YES1: variants seen among roughly 807,000 people sequenced by gnomAD.
YES1 encodes the protein YES proto-oncogene 1, Src family tyrosine kinase, also known as tyrosine-protein kinase Yes.
Under a neutral mutation model 70.4 loss-of-function variants are expected in YES1, and 39 were observed. That is an observed-to-expected ratio of 0.55 (90% CI 0.43 to 0.72). The LOEUF is 0.72. Ranked by LOEUF, YES1 falls within the 30% of genes least tolerant of loss-of-function variation. YES1 has a pLI of 0.00. For missense variants in YES1, 495 were observed against 644.8 expected (o/e 0.77, Z 2.52); for synonymous variants, 198 against 218.6 (o/e 0.91, Z 0.83).
chr18:810,548 A>C (rs956672663), intron 1 of YES1, among the ~76,000 whole-genome samples: 1 of 152,256 alleles, frequency 6.6e-6, no homozygotes, highest in Non-Finnish European at 1.5e-5. Context: ...TACAGTGGTT[A>C]CAACAGAGTA....
At chr18:771,742 G>A (rs897004739) in intron 1 of YES1, among the ~76,000 whole-genome samples, 3 of 152,078 alleles carry the variant, frequency 2.0e-5, no homozygotes, top group African/African-American at 7.2e-5. Context: ...TAGAGATAGG[G>A]CTTTGTCATG....
intron 10 of YES1, among the ~76,000 whole-genome samples, chr18:735,483 G>C (rs184730459): frequency 6.7e-4 from 102 of 151,612 alleles, no homozygotes; most frequent in African/African-American, 2.2e-3. Context: ...ATGGACTTTG[G>C]GGAGTAAGGG....
intron 11 of YES1, among the ~76,000 whole-genome samples, chr18:726,781 C>CAAAAAAAAAAAAAAAAAAAAAAAA (rs58322434): frequency 8.5e-5 from 4 of 47,232 alleles, no homozygotes; most frequent in African/African-American, 2.6e-4. Context: ...ACTCTTGTCT[C>CAAAAAAAAAAAAAAAAAAAAAAAA]AAAAAAAAAA....
chr18:800,664 G>C (rs958775165), intron 1 of YES1, among the ~76,000 whole-genome samples: 2 of 152,186 alleles, frequency 1.3e-5, no homozygotes, highest in African/African-American at 4.8e-5. Flanking sequence ...GTTAATGTAA[G>C]AACTTGACAC....
chr18:734,034 T>A (rs2145682372), intron 10 of YES1, among the ~76,000 whole-genome samples: 1 of 152,258 alleles, frequency 6.6e-6, no homozygotes, highest in Non-Finnish European at 1.5e-5. Flanking sequence ...ATCCCAGCAA[T>A]TTGAGAGGCC....
At position 768,692 on chromosome 18, in the gene YES1, G is replaced by GTTAT. The variant is rs369460488; in HGVS notation, c.-8-11861_-8-11858dup. Among the ~76,000 whole-genome samples, 524 of 151,968 alleles carry GTTAT rather than the reference G, an allele frequency of 3.4e-3. 1 individual carries two copies. Among genetic ancestry groups the GTTAT allele is most frequent in the African/African-American group, 7.2e-3 (298 of 41,446 alleles). ...CCATACCTTTTCTATGTTTAGATAT[G>GTTAT]TTATTTATTTATTTATTTATTTATT... is the stretch of plus-strand genomic sequence containing the variant. On this transcript the variant is annotated intron_variant, in intron 1 of 11. Coordinates refer to ENST00000314574, the MANE Select transcript of YES1 (RefSeq NM_005433.4).
chr18:774,174 G>A (rs754311349), intron 1 of YES1, among the ~76,000 whole-genome samples: 45 of 152,138 alleles, frequency 3.0e-4, no homozygotes, highest in Middle Eastern at 3.4e-3. Context: ...GTTTCCCCCC[G>A]TCTTACTGGC....
chr18:723,616 T>C lies in YES1; in HGVS notation c.*808A>G, dbSNP rs754272874. ...TGCATGCTATCTAAAGATCAAAACA[T>C]TTCCCCTTTGATTGGACAGTAGTTT... is the stretch of plus-strand genomic sequence containing the variant. On this transcript the variant is annotated 3_prime_UTR_variant, in exon 12 of 12. Transcript: ENST00000314574. The C allele has an allele frequency of 6.6e-6, 1 of 152,600 alleles. No homozygotes were observed. The highest frequency in any genetic ancestry group is 1.5e-5 in the Non-Finnish European group (1 of 68,024). The allele number at this position is 152,600 out of a possible 1,614,324, so 9.5% of individuals were successfully genotyped here. A position where few individuals can be genotyped will look rare whatever the true frequency, so the allele number is the denominator to read the frequency against.
At position 735,087 on chromosome 18, in the gene YES1, G is replaced by A. The variant is rs938757999; in HGVS notation, c.1291+1721C>T. Among the ~76,000 whole-genome samples, 4 of 146,398 alleles carry A rather than the reference G, an allele frequency of 2.7e-5. No homozygotes were observed. In the Admixed American group the frequency reaches 2.8e-4, roughly 10 times the overall value. On this transcript the variant is annotated intron_variant, in intron 10 of 11. Transcript: ENST00000314574. ...CAGGAGAATCATTTGAACCTGGGAG[G>A]TGGAGGTTGCAGTGAGCTGAGATTG...
chr18:812,380 G>A (rs1318206007), upstream of YES1: 3 of 151,098 alleles, frequency 2.0e-5, no homozygotes, highest in Non-Finnish European at 4.4e-5. Context: ...GGGGCTGCGG[G>A]TACCTGCGCG....
chr18:734,914 T>C (rs1189093605), intron 10 of YES1, among the ~76,000 whole-genome samples: 3 of 152,072 alleles, frequency 2.0e-5, no homozygotes, highest in African/African-American at 4.8e-5. Flanking sequence ...TCCCAGCGCT[T>C]TGGGAAGCCA....
chr18:811,755 T>G (rs551384722), intron 1 of YES1, among the ~76,000 whole-genome samples: 140 of 152,168 alleles, frequency 9.2e-4, no homozygotes, highest in African/African-American at 3.1e-3. Context: ...CGCCCCTACT[T>G]CGGCCGTAGG....
chr18:747,856 T>C lies in YES1; in HGVS notation c.470+64A>G, dbSNP rs1037427036. 2.0e-6 allele frequency: 3 copies of C among 1,469,528 alleles called. No homozygotes were observed. In the East Asian group the frequency reaches 6.8e-5, roughly 33 times the overall value. The allele number at this position is 1,469,528 out of a possible 1,614,324, so 91.0% of individuals were successfully genotyped here. A position where few individuals can be genotyped will look rare whatever the true frequency, so the allele number is the denominator to read the frequency against. On this transcript the variant is annotated intron_variant, in intron 4 of 11. Coordinates refer to ENST00000314574, the MANE Select transcript of YES1 (RefSeq NM_005433.4). The stretch of plus-strand genomic sequence containing the variant: ...CTGTGTGTGTAAAGTTGTGGCTAAG[T>C]AGAATGTGCATTAAAACATTTCAAA...
At chr18:802,931 T>A (rs1297614050) in intron 1 of YES1, among the ~76,000 whole-genome samples, 3 of 151,490 alleles carry the variant, frequency 2.0e-5, no homozygotes, top group African/African-American at 7.3e-5. Context: ...TAAAAAAAAA[T>A]AAAAATAAAA....
intron 1 of YES1, 97 bp from the exon 2 acceptor site, chr18:756,932 T>C: frequency 8.4e-7 from 1 of 1,191,582 alleles, no homozygotes; most frequent in Non-Finnish European, 1.1e-6. Context: ...GCATATGCCA[T>C]CCCTGCAAAA....
chr18:800,591 C>T (rs573952225), intron 1 of YES1, among the ~76,000 whole-genome samples: 15 of 152,180 alleles, frequency 9.9e-5, no homozygotes, highest in African/African-American at 3.6e-4. Context: ...TTCTTAGATA[C>T]AATTGGAGAA....
In YES1 at chr18:756,631, G is replaced by A. The variant is rs754780823; in HGVS notation, c.197C>T (p.Ser66Leu). The stretch of plus-strand genomic sequence containing the variant: ...TGCACCTCCAAAAGGCGTTACCCCT[G>A]AGGATCCTCCAAATGGTGTCATGGA... ...SLSMTPFGGS[S>L]GVTPFGGASS... Residue 66 changes from serine to leucine, a missense_variant, in exon 2 of 12, where the codon TCA becomes TTA. Transcript: ENST00000314574. 14 of 1,614,028 alleles carry A rather than the reference G, an allele frequency of 8.7e-6. No individual in the cohort carries two copies. The highest frequency in any genetic ancestry group is 1.3e-5 in the African/African-American group (1 of 74,922).
At chr18:727,232 C>G (rs1016637850) in intron 11 of YES1, among the ~76,000 whole-genome samples, 3 of 151,962 alleles carry the variant, frequency 2.0e-5, no homozygotes, top group Non-Finnish European at 4.4e-5. Context: ...ATGAAACGTC[C>G]CTTTTTGTCC....
At chr18:741,582 T>C (rs1014780649) in intron 8 of YES1, among the ~76,000 whole-genome samples, 4 of 152,100 alleles carry the variant, frequency 2.6e-5, no homozygotes, top group East Asian at 3.9e-4. Context: ...GGCAGGCTGA[T>C]TGCTTGATCC....
Sources: allele counts gnomAD v4.1 joint callset (sites outside exome capture counted in the v4.1 genomes callset), GRCh38; gene constraint gnomAD v4.1.1; transcripts MANE v1.5; gene names NCBI Gene and HGNC (gene_info 2026-07-23, HGNC 2026-07-21).